HTR4: variants seen among roughly 807,000 people sequenced by gnomAD.
HTR4 encodes 5-hydroxytryptamine (serotonin) receptor 4, G protein-coupled.
A neutral mutation model predicts 36.8 loss-of-function variants in HTR4; 16 were observed. The ratio of observed to expected loss-of-function variants is 0.43; its 90% confidence interval spans 0.29 to 0.66. HTR4 has a LOEUF of 0.66. HTR4 is among the 30% of genes least tolerant of loss of function. HTR4 has a pLI of 0.13. For missense variants in HTR4, 438 were observed against 490.9 expected (o/e 0.89, Z 1.02); for synonymous variants, 189 against 185.1 (o/e 1.02, Z -0.17).
Position 148,482,728 on chromosome 5 carries a change from C to A in HTR4, c.*475G>T, listed in dbSNP as rs1755947530. On this transcript the variant is annotated 3_prime_UTR_variant, in exon 7 of 7. Coordinates refer to ENST00000377888, the MANE Select transcript of HTR4 (RefSeq NM_000870.7). ...TTGAACATGGCTGTGACGGACGTGA[C>A]CAAGCAAGTAAGCAAGACAGGAGCG... 4 of 1,008,514 alleles carry A rather than the reference C, an allele frequency of 4.0e-6. No homozygotes were observed. Among genetic ancestry groups the A allele is most frequent in the Non-Finnish European group, 3.6e-6 (3 of 842,462 alleles). 62.5% of individuals were successfully genotyped at this position (1,008,514 alleles called of 1,614,324 possible).
intron 6 of HTR4, among the ~76,000 whole-genome samples, chr5:148,496,278 A>G (rs1009075288): frequency 2.2e-4 from 34 of 152,198 alleles, no homozygotes; most frequent in Admixed American, 5.2e-4. Context: ...CAAGCCCTGC[A>G]CTGATTCAAT....
rs991509391 is a variant in HTR4, at chr5:148,546,706, C to T, written c.353+1962G>A. ...TACACAGGCCTTGAGGTTACCTCAG[C>T]TGCCCCTATCACCCCTGCCTGGTCT... On this transcript the variant is annotated intron_variant, in intron 4 of 6. Coordinates refer to ENST00000377888, the MANE Select transcript of HTR4 (RefSeq NM_000870.7). Among the ~76,000 whole-genome samples the T allele has an allele frequency of 3.3e-5, 5 of 152,190 alleles. No homozygotes were observed. In the East Asian group the frequency reaches 9.6e-4, roughly 29 times the overall value.
chr5:148,537,728 T>C (rs1379462798), intron 4 of HTR4, among the ~76,000 whole-genome samples: 1 of 152,060 alleles, frequency 6.6e-6, no homozygotes, highest in Non-Finnish European at 1.5e-5. Flanking sequence ...AGCTCTGAAA[T>C]TAAATCAGTA....
intron 2 of HTR4, among the ~76,000 whole-genome samples, chr5:148,604,524 G>A (rs1007947892): frequency 6.6e-6 from 1 of 151,978 alleles, no homozygotes; most frequent in African/African-American, 2.4e-5. Flanking sequence ...GTAGAAATGG[G>A]TACACATATG....
rs2113847111 is a variant in HTR4, at chr5:148,548,951, CAG to C, written c.153-85_153-84del. 3.2e-6 allele frequency: 3 copies of C among 950,370 alleles called. No homozygotes were observed. The East Asian group carries it at 7.8e-5, about 25-fold the overall frequency. 58.9% of individuals were successfully genotyped at this position (950,370 alleles called of 1,614,324 possible). On this transcript the variant is annotated intron_variant, in intron 3 of 6. Transcript: ENST00000377888. ...AGGGAGAAGAGATCAAGAGAAAAAA[CAG>C]GGAAAAGGGAAACAAAGAAAGAAGA...
intron 2 of HTR4, among the ~76,000 whole-genome samples, chr5:148,567,694 C>T (rs760677725): frequency 3.9e-5 from 6 of 152,130 alleles, no homozygotes; most frequent in Non-Finnish European, 7.4e-5. Flanking sequence ...AGAATATTCA[C>T]TTCCAAATAT....
intron 2 of HTR4, among the ~76,000 whole-genome samples, chr5:148,597,744 T>G (rs753261126): frequency 6.6e-6 from 1 of 152,208 alleles, no homozygotes; most frequent in East Asian, 1.9e-4. Flanking sequence ...TGGAAACATG[T>G]TAAAGAATCA....
intron 5 of HTR4, among the ~76,000 whole-genome samples, chr5:148,462,631 A>G (rs1755305071): frequency 6.6e-6 from 1 of 152,176 alleles, no homozygotes; most frequent in African/African-American, 2.4e-5. Context: ...GTTTTAGAAG[A>G]TACAAGCAGA....
At chr5:148,533,189 C>T (rs35027720) in intron 4 of HTR4, among the ~76,000 whole-genome samples, 176 of 152,304 alleles carry the variant, frequency 1.2e-3, no homozygotes, top group Non-Finnish European at 1.9e-3. Context: ...TCCAGCCTTC[C>T]ATTGGGTATC....
At chr5:148,458,036 TATATATTAAAATATATTATATTTTAAG>T (rs1244418812) in intron 5 of HTR4, among the ~76,000 whole-genome samples, 3 of 138,656 alleles carry the variant, frequency 2.2e-5, no homozygotes, top group African/African-American at 7.9e-5. Context: ...ATATATTTAA[TATATATTAAAATATATTATATTTTAAG>T]ATCTATTTAA....
chr5:148,631,701 A>G (rs1024846034), intron 2 of HTR4, among the ~76,000 whole-genome samples: 9 of 152,256 alleles, frequency 5.9e-5, no homozygotes, highest in Non-Finnish European at 1.3e-4. Context: ...GAAAATTTCA[A>G]TTCATTCTTG....
chr5:148,524,739 G>A (rs1345431629), intron 4 of HTR4, among the ~76,000 whole-genome samples: 1 of 152,148 alleles, frequency 6.6e-6, no homozygotes, highest in Non-Finnish European at 1.5e-5. Flanking sequence ...ATTTAATGAT[G>A]AACCACCCTC....
chr5:148,560,920 A>G (rs1266061935), intron 2 of HTR4, among the ~76,000 whole-genome samples: 1 of 152,240 alleles, frequency 6.6e-6, no homozygotes, highest in Non-Finnish European at 1.5e-5. Flanking sequence ...AAGACTCAAA[A>G]TACTGATGAT....
chr5:148,647,469 C>T (rs575790563), intron 1 of HTR4, among the ~76,000 whole-genome samples: 2 of 152,302 alleles, frequency 1.3e-5, no homozygotes, highest in African/African-American at 4.8e-5. Flanking sequence ...ATGACCTGGG[C>T]ACTGGACATT....
chr5:148,459,137 G>T (rs2113691045), intron 5 of HTR4, among the ~76,000 whole-genome samples: 1 of 152,272 alleles, frequency 6.6e-6, no homozygotes, highest in African/African-American at 2.4e-5. Context: ...TGTAGGGGCA[G>T]TGAGGACATT....
intron 2 of HTR4, among the ~76,000 whole-genome samples, chr5:148,577,633 A>G (rs1260933037): frequency 6.6e-6 from 1 of 152,174 alleles, no homozygotes; most frequent in Admixed American, 6.6e-5. Flanking sequence ...AATACTATGC[A>G]GCCTATATAA....
intron 6 of HTR4, among the ~76,000 whole-genome samples, chr5:148,488,025 T>A (rs1354758580): frequency 6.6e-6 from 1 of 152,180 alleles, no homozygotes; most frequent in African/African-American, 2.4e-5. Flanking sequence ...GTGCTTTTCA[T>A]GTGATGAGAA....
downstream of HTR4, among the ~76,000 whole-genome samples, chr5:148,480,201 G>A (rs1210847550): frequency 2.6e-5 from 4 of 152,060 alleles, no homozygotes; most frequent in Non-Finnish European, 4.4e-5. Flanking sequence ...GAGAAGTTAC[G>A]CTCATTATTA....
At chr5:148,614,320 G>T (rs980086782) in intron 2 of HTR4, among the ~76,000 whole-genome samples, 3 of 150,902 alleles carry the variant, frequency 2.0e-5, no homozygotes, top group African/African-American at 4.8e-5. Flanking sequence ...CATGGTACTG[G>T]TACCAAAACA....
Sources: gnomAD v4.1 joint callset for allele counts (sites outside exome capture counted in the v4.1 genomes callset) on GRCh38, gnomAD v4.1.1 for gene constraint, MANE v1.5 for transcripts, NCBI Gene and HGNC (gene_info 2026-07-23, HGNC 2026-07-21) for gene names.